TENM2: variants seen among roughly 807,000 people sequenced by gnomAD.
TENM2 encodes teneurin-2.
Under a neutral mutation model 245.2 loss-of-function variants are expected in TENM2, and 52 were observed. That is an observed-to-expected ratio of 0.21 (90% CI 0.17 to 0.27). The LOEUF (loss-of-function observed/expected upper bound fraction) is 0.27, where lower values mean the gene tolerates loss of function less well. Ranked by LOEUF, TENM2 falls within the 10% of genes least tolerant of loss-of-function variation. The pLI, the probability that TENM2 is intolerant of heterozygous loss-of-function variation, is 1.00. For synonymous variants in TENM2, 1,363 were observed against 1,438.9 expected, an observed-to-expected ratio of 0.95 and a Z score of 1.19; for missense variants, 3,046 against 3,666.8, an observed-to-expected ratio of 0.83 and a Z score of 4.37.
the TENM2 span, among the ~76,000 whole-genome samples, chr5:167,043,084 A>G: frequency 7.9e-5 from 12 of 152,158 alleles, no homozygotes; most frequent in Non-Finnish European, 1.6e-4. Context: ...AATTGCTTCT[A>G]TGTCATTCTG....
chr5:167,722,095 C>A (rs1234030114), intron 2 of TENM2, among the ~76,000 whole-genome samples: 1 of 152,136 alleles, frequency 6.6e-6, no homozygotes, highest in East Asian at 1.9e-4. Context: ...CTCTCCACTT[C>A]CAGCTATAAA....
At chr5:166,993,577 C>G in the TENM2 span, among the ~76,000 whole-genome samples, 1 of 152,070 alleles carries the variant, frequency 6.6e-6, no homozygotes, top group Non-Finnish European at 1.5e-5. Context: ...GATGGCCAAC[C>G]ATGACTCATG....
At chr5:167,858,127 A>G (rs946534245) in intron 2 of TENM2, among the ~76,000 whole-genome samples, 1 of 152,264 alleles carries the variant, frequency 6.6e-6, no homozygotes, top group African/African-American at 2.4e-5. Context: ...AAACAGAAGC[A>G]TAGCAAAAGC....
At chr5:168,240,695 T>C (rs961241343) in intron 25 of TENM2, among the ~76,000 whole-genome samples, 3 of 150,864 alleles carry the variant, frequency 2.0e-5, no homozygotes, top group African/African-American at 7.3e-5. Flanking sequence ...ATAAATGCAC[T>C]AGGGCCCTAT....
chr5:167,223,768 T>C, the TENM2 span, among the ~76,000 whole-genome samples: 1 of 152,220 alleles, frequency 6.6e-6, no homozygotes, highest in Non-Finnish European at 1.5e-5. Context: ...ATCTCCATAC[T>C]GTTTTCCATA....
chr5:168,067,918 G>C (rs761668083), intron 7 of TENM2, among the ~76,000 whole-genome samples: 6 of 152,170 alleles, frequency 3.9e-5, no homozygotes, highest in Non-Finnish European at 8.8e-5. Flanking sequence ...TTTGGAGGAA[G>C]CCAGATCTTT....
At chr5:168,157,019 A>G (rs1757248790) in intron 12 of TENM2, among the ~76,000 whole-genome samples, 2 of 152,168 alleles carry the variant, frequency 1.3e-5, no homozygotes, top group East Asian at 1.9e-4. Flanking sequence ...AAAATGTCTT[A>G]AGGAAGAGCT....
At chr5:167,305,096 C>T (rs1755591730) in intron 1 of TENM2, among the ~76,000 whole-genome samples, 1 of 152,170 alleles carries the variant, frequency 6.6e-6, no homozygotes, top group Non-Finnish European at 1.5e-5. Context: ...CTCCAAAAGG[C>T]AACCTTTCCC....
At chr5:168,026,169 C>T (rs1041231436) in intron 5 of TENM2, among the ~76,000 whole-genome samples, 8 of 152,214 alleles carry the variant, frequency 5.3e-5, no homozygotes, top group Admixed American at 6.5e-5. Flanking sequence ...GCTCCAGCCA[C>T]AAGAAGCCTG....
chr5:168,004,506 T>TGCGC (rs760281726), intron 5 of TENM2, among the ~76,000 whole-genome samples: 1,383 of 97,676 alleles, frequency 0.014, 14 homozygotes, highest in East Asian at 0.033. Context: ...GATGCACGCA[T>TGCGC]GCGCGCGCGC....
chr5:167,870,900 A>G (rs1772775140), intron 2 of TENM2, among the ~76,000 whole-genome samples: 1 of 152,080 alleles, frequency 6.6e-6, no homozygotes, highest in East Asian at 1.9e-4. Context: ...GCTTGCCATT[A>G]ATCTGTTGAA....
intron 2 of TENM2, among the ~76,000 whole-genome samples, chr5:167,586,986 T>G (rs1775546127): frequency 6.6e-6 from 1 of 152,234 alleles, no homozygotes; most frequent in South Asian, 2.1e-4. Flanking sequence ...ATCTTCAGTC[T>G]GAGCTTATTA....
At chr5:167,356,229 T>TA (rs1216724621) in intron 1 of TENM2, among the ~76,000 whole-genome samples, 1 of 140,920 alleles carries the variant, frequency 7.1e-6, no homozygotes, top group Non-Finnish European at 1.5e-5. Flanking sequence ...AAATTAAAAT[T>TA]AAAAAAAAGG....
intron 27 of TENM2, among the ~76,000 whole-genome samples, chr5:168,249,453 G>GGTT (rs1390037589): frequency 4.0e-5 from 6 of 148,806 alleles, no homozygotes; most frequent in Non-Finnish European, 8.9e-5. Context: ...GTTCTCTCAA[G>GGTT]GTGTGTGTGT....
chr5:168,156,314 C>T (rs1757181484), intron 12 of TENM2, among the ~76,000 whole-genome samples: 1 of 145,354 alleles, frequency 6.9e-6, no homozygotes, highest in Admixed American at 6.9e-5. Flanking sequence ...AAGTTCTCTC[C>T]TGATGGTCTC....
chr5:168,129,440 C>T (rs561506831), intron 12 of TENM2: 16 of 152,296 alleles, frequency 1.1e-4, no homozygotes, highest in African/African-American at 3.4e-4. Context: ...TTGTTCAGAA[C>T]GATGATCTCC....
intron 12 of TENM2, among the ~76,000 whole-genome samples, chr5:168,160,684 TG>T (rs1454797725): frequency 2.0e-5 from 3 of 152,162 alleles, no homozygotes; most frequent in Non-Finnish European, 2.9e-5. Context: ...AAAGCTTAAT[TG>T]TATACCCTTG....
chr5:167,756,129 T>C (rs943843895), intron 2 of TENM2, among the ~76,000 whole-genome samples: 3 of 152,144 alleles, frequency 2.0e-5, no homozygotes, highest in South Asian at 2.1e-4. Flanking sequence ...TTCAACCCAC[T>C]TCAATTCTCA....
At chr5:167,156,316 G>T in the TENM2 span, among the ~76,000 whole-genome samples, 1 of 152,172 alleles carries the variant, frequency 6.6e-6, no homozygotes, top group African/African-American at 2.4e-5. Flanking sequence ...ATTTGGCAAA[G>T]GCTGTTTGCT....
Sources: allele counts gnomAD v4.1 joint callset (sites outside exome capture counted in the v4.1 genomes callset), GRCh38; gene constraint gnomAD v4.1.1; transcripts MANE v1.5; gene names NCBI Gene and HGNC (gene_info 2026-07-23, HGNC 2026-07-21).